Variants in CSMD1 observed in about 807,000 individuals in gnomAD.
The protein encoded by CSMD1 is CUB and sushi domain-containing protein 1.
Under a neutral mutation model 417.5 loss-of-function variants are expected in CSMD1, and 213 were observed. That is an observed-to-expected ratio of 0.51 (90% CI 0.46 to 0.57). The LOEUF is 0.57. Among genes scored for constraint, CSMD1 ranks in the 20% least tolerant of loss-of-function variants. The pLI is 0.00. For missense variants in CSMD1, 6,923 were observed against 4,529.7 expected, an observed-to-expected ratio of 1.53 and a Z score of -15.17; for synonymous variants, 2,862 against 1,736.8, an observed-to-expected ratio of 1.65 and a Z score of -16.11.
intron 69 of CSMD1, among the ~76,000 whole-genome samples, chr8:2,939,906 C>T (rs73179572): frequency 0.013 from 1,918 of 152,268 alleles, 31 homozygotes; most frequent in South Asian, 0.027. Context: ...AGATCACAAG[C>T]TGCCACAGTC....
intron 2 of CSMD1, among the ~76,000 whole-genome samples, chr8:4,497,391 C>T (rs534912562): frequency 1.3e-5 from 2 of 152,314 alleles, no homozygotes; most frequent in East Asian, 3.9e-4. Flanking sequence ...TTAATAAATG[C>T]TGTCAATGAT....
At chr8:3,309,905 G>C (rs1177129566) in intron 23 of CSMD1, among the ~76,000 whole-genome samples, 2 of 152,178 alleles carry the variant, frequency 1.3e-5, no homozygotes, top group African/African-American at 4.8e-5. Context: ...TTTGCACTCA[G>C]TGACTAAGAA....
intron 7 of CSMD1, among the ~76,000 whole-genome samples, chr8:3,676,769 C>G (rs1034010571): frequency 6.6e-6 from 1 of 152,100 alleles, no homozygotes; most frequent in Non-Finnish European, 1.5e-5. Context: ...GGAACCAACC[C>G]AAATGCCCAT....
chr8:4,839,907 G>C (rs1263440292), intron 1 of CSMD1, among the ~76,000 whole-genome samples: 2 of 152,136 alleles, frequency 1.3e-5, no homozygotes, highest in Non-Finnish European at 2.9e-5. Context: ...CTAACCTCCT[G>C]CGCGTCTCCT....
chr8:4,402,672 T>C (rs1342022728), intron 3 of CSMD1, among the ~76,000 whole-genome samples: 1 of 152,136 alleles, frequency 6.6e-6, no homozygotes, highest in Admixed American at 6.5e-5. Context: ...AATTTGCCCA[T>C]TACTTCATGG....
At chr8:3,221,602 C>G (rs898235301) in intron 28 of CSMD1, among the ~76,000 whole-genome samples, 22 of 151,606 alleles carry the variant, frequency 1.5e-4, no homozygotes, top group Non-Finnish European at 2.7e-4. Flanking sequence ...TTGCCTGTAC[C>G]AAAATTCATG....
At chr8:3,803,146 C>A (rs763170421) in intron 5 of CSMD1, among the ~76,000 whole-genome samples, 1 of 152,164 alleles carries the variant, frequency 6.6e-6, no homozygotes, top group African/African-American at 2.4e-5. Context: ...ATTCTAAGTA[C>A]TCATGTTCTA....
chr8:4,348,071 A>C (rs985957682), intron 3 of CSMD1, among the ~76,000 whole-genome samples: 4 of 152,208 alleles, frequency 2.6e-5, no homozygotes, highest in East Asian at 1.9e-4. Flanking sequence ...CACCAGGCAA[A>C]AACAAACCAG....
chr8:4,409,964 C>T (rs900794160), intron 3 of CSMD1, among the ~76,000 whole-genome samples: 2 of 152,058 alleles, frequency 1.3e-5, no homozygotes, highest in Non-Finnish European at 2.9e-5. Context: ...CAGGCACCCG[C>T]CACTACGCCC....
intron 1 of CSMD1, among the ~76,000 whole-genome samples, chr8:4,938,145 T>C (rs4273871): frequency 1 from 152,130 of 152,260 alleles, 76,001 homozygotes; most frequent in Middle Eastern, 1. Context: ...GGTGCACTGA[T>C]GTCAGAACAT....
intron 3 of CSMD1, among the ~76,000 whole-genome samples, chr8:4,300,607 A>G (rs1263540501): frequency 6.6e-6 from 1 of 152,134 alleles, no homozygotes; most frequent in Admixed American, 6.5e-5. Context: ...ATATGTATAC[A>G]TGTGCCATGC....
intron 2 of CSMD1, among the ~76,000 whole-genome samples, chr8:4,426,301 T>C (rs1461539243): frequency 1.3e-5 from 2 of 151,508 alleles, no homozygotes; most frequent in African/African-American, 2.4e-5. Flanking sequence ...CCAAAATTTG[T>C]TGTAGATATA....
intron 3 of CSMD1, among the ~76,000 whole-genome samples, chr8:4,384,746 C>T (rs1023389853): frequency 7.9e-5 from 12 of 152,198 alleles, no homozygotes; most frequent in African/African-American, 2.9e-4. Flanking sequence ...TGTTGTGCCA[C>T]TTCACATCAG....
chr8:3,836,936 AC>A (rs1802748011), intron 5 of CSMD1, among the ~76,000 whole-genome samples: 1 of 151,936 alleles, frequency 6.6e-6, no homozygotes, highest in African/African-American at 2.4e-5. Context: ...ATCTCAATGC[AC>A]TAAAGTTGGC....
At chr8:3,369,102 A>G (rs142337691) in intron 19 of CSMD1, among the ~76,000 whole-genome samples, 152 bp downstream of exon 19, 3 of 152,368 alleles carry the variant, frequency 2.0e-5, no homozygotes, top group Non-Finnish European at 4.4e-5. Flanking sequence ...TTGTTCTTCC[A>G]AAATCTTATT....
intron 4 of CSMD1, among the ~76,000 whole-genome samples, chr8:4,022,247 A>G (rs1207388459): frequency 1.3e-5 from 2 of 150,750 alleles, no homozygotes; most frequent in Admixed American, 6.6e-5. Context: ...ATTTTGGTCT[A>G]TGCCTCACTA....
intron 1 of CSMD1, among the ~76,000 whole-genome samples, chr8:4,721,645 G>A (rs1434340021): frequency 6.6e-6 from 1 of 152,170 alleles, no homozygotes; most frequent in East Asian, 1.9e-4. Context: ...GGAAGAGTAT[G>A]GAGGTTCCTC....
At chr8:3,881,055 A>C (rs1007067161) in intron 5 of CSMD1, among the ~76,000 whole-genome samples, 6 of 152,262 alleles carry the variant, frequency 3.9e-5, no homozygotes, top group African/African-American at 1.4e-4. Context: ...TCTATGAGTG[A>C]ATTCAAAAAA....
chr8:4,024,273 C>A (rs190682707), intron 4 of CSMD1, among the ~76,000 whole-genome samples: 3 of 151,978 alleles, frequency 2.0e-5, no homozygotes, highest in Non-Finnish European at 2.9e-5. Context: ...AAGTTCACAA[C>A]GGATAAAGCA....
Sources: gnomAD v4.1 joint callset for allele counts (sites outside exome capture counted in the v4.1 genomes callset) on GRCh38, gnomAD v4.1.1 for gene constraint, MANE v1.5 for transcripts, NCBI Gene and HGNC (gene_info 2026-07-23, HGNC 2026-07-21) for gene names.